The following RABGAP1L variants were observed in gnomAD, a reference collection of about 807,000 sequenced individuals.
RABGAP1L encodes rab GTPase-activating protein 1-like.
In RABGAP1L, 63 loss-of-function variants were observed where a neutral mutation model predicts 137.7. The ratio of observed to expected loss-of-function variants is 0.46; its 90% confidence interval spans 0.37 to 0.56. The LOEUF (loss-of-function observed/expected upper bound fraction) is 0.56. RABGAP1L is among the 20% of genes least tolerant of loss of function. The pLI is 0.00. For synonymous variants in RABGAP1L, 431 were observed against 433.7 expected (o/e 0.99, Z 0.08); for missense variants, 1,095 against 1,244.0 (o/e 0.88, Z 1.80).
chr1:174,315,751 G>A (rs1679322112), intron 11 of RABGAP1L, among the ~76,000 whole-genome samples: 1 of 151,084 alleles, frequency 6.6e-6, no homozygotes, highest in Admixed American at 6.6e-5. Flanking sequence ...AAATGTGCTT[G>A]GTGTTCTATA....
Position 174,219,194 on chromosome 1 carries a change from T to C in RABGAP1L, c.37T>C (p.Ser13Pro). ...AGCTTCATTACAGAAGGTTAGTGGATCATCTGATTCTGTGGCTACAATGAA... is the reference window on the plus strand; with the variant it reads ...AGCTTCATTACAGAAGGTTAGTGGACCATCTGATTCTGTGGCTACAATGAA... ...VRASLQKVSG[S>P]SDSVATMNSE... Residue 13 changes from serine to proline, a missense_variant, in exon 2 of 26, where the codon TCA (serine) becomes CCA (proline). Ser to Pro is a moderately conservative substitution (Grantham distance 74). Coordinates refer to ENST00000681986, the MANE Select transcript of RABGAP1L (RefSeq NM_001366446.1). 2 of 1,604,768 alleles carry C rather than the reference T, an allele frequency of 1.2e-6. No homozygotes were observed. Among genetic ancestry groups the C allele is most frequent in the African/African-American group, 2.7e-5 (2 of 74,648 alleles).
chr1:174,194,783 G>C (rs899249291), intron 1 of RABGAP1L, among the ~76,000 whole-genome samples: 2 of 152,182 alleles, frequency 1.3e-5, no homozygotes, highest in African/African-American at 2.4e-5. Context: ...TGCCAGGAGT[G>C]GGGGAAGGAG....
intron 1 of RABGAP1L, among the ~76,000 whole-genome samples, chr1:174,162,950 G>A: frequency 1.7e-5 from 2 of 121,196 alleles, no homozygotes; most frequent in Non-Finnish European, 1.7e-5. Context: ...TGGGGAGGGG[G>A]GAGGGGGGAG....
In RABGAP1L at chr1:174,588,066, A is replaced by G. The variant is rs115803149; in HGVS notation, c.1711-49309A>G. On this transcript the variant is annotated intron_variant, in intron 13 of 25. Transcript: ENST00000681986. The stretch of plus-strand genomic sequence containing the variant: ...TTTTTAGTAGGGACAGATTTTTGCA[A>G]TGTTGGCCCGGCTGGTCTCGAACTT... Among the ~76,000 whole-genome samples the G allele has an allele frequency of 3.8e-3, 570 of 151,976 alleles. 5 individuals are homozygous for G. The highest frequency in any genetic ancestry group is 0.012 in the African/African-American group (489 of 41,446).
chr1:174,976,350 A>G (rs1335892218), intron 22 of RABGAP1L, among the ~76,000 whole-genome samples, 168 bp downstream of exon 22: 1 of 150,108 alleles, frequency 6.7e-6, no homozygotes, highest in Non-Finnish European at 1.5e-5. Context: ...CATTTCTGAC[A>G]TTTTTTTTTT....
At chr1:174,245,141 C>G (rs937896634) in intron 5 of RABGAP1L, 1 of 152,220 alleles carries the variant, frequency 6.6e-6, no homozygotes, top group Non-Finnish European at 1.5e-5. Context: ...GGCGTGATCT[C>G]GGCTTACTGC....
Position 174,633,698 on chromosome 1 carries a change from G to A in RABGAP1L, c.1711-3677G>A, listed in dbSNP as rs1029667592. ...TACCAAAACAGAGATATAGATCAAT[G>A]GAACAGAACAGAGCCCTCAGAAATA... On this transcript the variant is annotated intron_variant, in intron 13 of 25. Transcript: ENST00000681986. Among the ~76,000 whole-genome samples the A allele has an allele frequency of 1.7e-3, 217 of 129,722 alleles. 5 individuals are homozygous for A. Among genetic ancestry groups the A allele is most frequent in the Admixed American group, 0.015 (196 of 13,378 alleles). The allele number at this position is 129,722 out of a possible 152,430, so 85.1% of individuals were successfully genotyped here. A position where few individuals can be genotyped will look rare whatever the true frequency, so the allele number is the denominator to read the frequency against.
chr1:174,174,195 T>C (rs867656984), intron 1 of RABGAP1L, among the ~76,000 whole-genome samples: 9 of 145,682 alleles, frequency 6.2e-5, no homozygotes, highest in South Asian at 4.4e-4. Flanking sequence ...GGAAAAAAAA[T>C]ACACACACAC....
intron 1 of RABGAP1L, among the ~76,000 whole-genome samples, chr1:174,202,285 T>A (rs1286402337): frequency 6.6e-6 from 1 of 152,134 alleles, no homozygotes; most frequent in Non-Finnish European, 1.5e-5. Flanking sequence ...AAAGTGTTCC[T>A]ATTTCTCCAC....
intron 19 of RABGAP1L, among the ~76,000 whole-genome samples, chr1:174,925,781 C>A (rs1662684530): frequency 7.0e-6 from 1 of 142,370 alleles, no homozygotes; most frequent in South Asian, 2.2e-4. Context: ...GTTTTTTGTG[C>A]AATTAAAAAA....
chr1:174,589,644 G>C (rs1021168530), intron 13 of RABGAP1L, among the ~76,000 whole-genome samples: 1 of 152,122 alleles, frequency 6.6e-6, no homozygotes, highest in Admixed American at 6.6e-5. Context: ...TATATGTCGA[G>C]AGAAAGGGGT....
intron 19 of RABGAP1L, chr1:174,954,264 C>A (rs1043434238): frequency 6.6e-6 from 1 of 152,164 alleles, no homozygotes; most frequent in Non-Finnish European, 1.5e-5. Flanking sequence ...CAGTATCACC[C>A]CACAGCACAA....
At chr1:174,190,289 G>A (rs1306084162) in intron 1 of RABGAP1L, among the ~76,000 whole-genome samples, 2 of 132,418 alleles carry the variant, frequency 1.5e-5, no homozygotes, top group East Asian at 4.1e-4. Flanking sequence ...GTGACAGAGC[G>A]AGACTCCGTT....
intron 13 of RABGAP1L, among the ~76,000 whole-genome samples, chr1:174,556,285 C>A (rs1339790881): frequency 6.6e-6 from 1 of 152,080 alleles, no homozygotes; most frequent in Admixed American, 6.6e-5. Context: ...CGTGAGCCAC[C>A]ACTCCTGGCC....
At chr1:174,492,068 T>G (rs1310725623) in intron 13 of RABGAP1L, among the ~76,000 whole-genome samples, 1 of 152,158 alleles carries the variant, frequency 6.6e-6, no homozygotes, top group Non-Finnish European at 1.5e-5. Context: ...TTTTTGGTTC[T>G]TAGAAGGTGC....
At chr1:174,167,893 T>C (rs565217316) in intron 1 of RABGAP1L, among the ~76,000 whole-genome samples, 1 of 152,262 alleles carries the variant, frequency 6.6e-6, no homozygotes, top group Non-Finnish European at 1.5e-5. Flanking sequence ...GCTGAGAGCA[T>C]TGTATAAAGG....
chr1:174,193,684 G>A (rs1400153493), intron 1 of RABGAP1L, among the ~76,000 whole-genome samples: 2 of 152,142 alleles, frequency 1.3e-5, no homozygotes, highest in Non-Finnish European at 2.9e-5. Flanking sequence ...CAGAATGCCA[G>A]GTAGAGGTTT....
Position 174,751,299 on chromosome 1 carries a change from G to A in RABGAP1L, c.2170-1014G>A, listed in dbSNP as rs10494493. 1.1e-4 allele frequency among the ~76,000 whole-genome samples: 16 copies of A among 152,122 alleles called. No homozygotes were observed. In the East Asian group the frequency reaches 2.5e-3, roughly 24 times the overall value. On this transcript the variant is annotated intron_variant, in intron 17 of 25. Coordinates refer to ENST00000681986, the MANE Select transcript of RABGAP1L (RefSeq NM_001366446.1). ...ACAGGAATACACTCTAAATATCTGG[G>A]CCTAATCCTTGCTTCTGGAGTTATT...
At position 174,605,296 on chromosome 1, in the gene RABGAP1L, T is replaced by C. The variant is rs1393816273; in HGVS notation, c.1711-32079T>C. Reference sequence around the variant, plus strand: ...CCTAGGCATTTTTCTGCTAAATCTTTGACTAAGTGTCTCAAAATGCTATCA... The same window carrying C: ...CCTAGGCATTTTTCTGCTAAATCTTCGACTAAGTGTCTCAAAATGCTATCA... On this transcript the variant is annotated intron_variant, in intron 13 of 25. Transcript: ENST00000681986. 3.3e-5 allele frequency among the ~76,000 whole-genome samples: 5 copies of C among 152,236 alleles called. No homozygotes were observed. The East Asian group carries it at 9.6e-4, about 29-fold the overall frequency.
Sources: gnomAD v4.1 joint callset for allele counts (sites outside exome capture counted in the v4.1 genomes callset) on GRCh38, gnomAD v4.1.1 for gene constraint, MANE v1.5 for transcripts, NCBI Gene and HGNC (gene_info 2026-07-23, HGNC 2026-07-21) for gene names.